FRMD4B: variants seen among roughly 807,000 people sequenced by gnomAD.
FRMD4B encodes the protein FERM domain containing 4B.
A neutral mutation model predicts 141.5 loss-of-function variants in FRMD4B; 74 were observed. The observed-to-expected ratio is 0.52, with a 90% CI of 0.43 to 0.63. FRMD4B has a LOEUF of 0.63. Ranked by LOEUF, FRMD4B falls within the 30% of genes least tolerant of loss-of-function variation. The pLI is 0.00. For synonymous variants in FRMD4B, 506 were observed against 467.9 expected (o/e 1.08, Z -1.05); for missense variants, 1,366 against 1,253.4 (o/e 1.09, Z -1.36).
intron 11 of FRMD4B, among the ~76,000 whole-genome samples, chr3:69,202,816 T>A (rs1274282973): frequency 6.6e-6 from 1 of 152,230 alleles, no homozygotes; most frequent in Non-Finnish European, 1.5e-5. Flanking sequence ...GACTGAAGAA[T>A]AATATCTGGG....
intron 1 of FRMD4B, among the ~76,000 whole-genome samples, chr3:69,315,215 A>G (rs1701763668): frequency 6.6e-6 from 1 of 152,234 alleles, no homozygotes; most frequent in Non-Finnish European, 1.5e-5. Context: ...CAATACTAAA[A>G]AAACTTTGTA....
At chr3:69,225,054 A>G (rs1160987064) in intron 7 of FRMD4B, among the ~76,000 whole-genome samples, 1 of 151,944 alleles carries the variant, frequency 6.6e-6, no homozygotes, top group African/African-American at 2.4e-5. Context: ...TCATGGTGGA[A>G]TACTGGTTAT....
At chr3:69,271,106 C>A (rs572519613) in intron 5 of FRMD4B, among the ~76,000 whole-genome samples, 1 of 152,036 alleles carries the variant, frequency 6.6e-6, no homozygotes, top group African/African-American at 2.4e-5. Flanking sequence ...TCTTGTAGCC[C>A]ATTTCTGAGA....
At chr3:69,475,555 C>T (rs1182836830) in intron 1 of FRMD4B, among the ~76,000 whole-genome samples, 1 of 152,078 alleles carries the variant, frequency 6.6e-6, no homozygotes, top group African/African-American at 2.4e-5. Context: ...TTTATGGCTG[C>T]ATAGTATTCC....
intron 1 of FRMD4B, among the ~76,000 whole-genome samples, chr3:69,501,023 A>C (rs569062156): frequency 7.8e-4 from 119 of 152,312 alleles, no homozygotes; most frequent in African/African-American, 2.5e-3. Flanking sequence ...AGTGTGGTGT[A>C]GTTTAAGACA....
intron 21 of FRMD4B, among the ~76,000 whole-genome samples, chr3:69,178,171 T>C (rs578055274): frequency 9.8e-5 from 15 of 152,320 alleles, no homozygotes; most frequent in South Asian, 8.3e-4. Flanking sequence ...AGCACTGCCC[T>C]TTTTCCATTT....
chr3:69,488,734 C>T lies in FRMD4B; in HGVS notation c.-129+53472G>A, dbSNP rs1007728650. ...TGGCCAAAGCAGTGAAACCCCATCT[C>T]CACTAAAAATTAGCTGGGCATGGTG... is the stretch of plus-strand genomic sequence containing the variant. On this transcript the variant is annotated intron_variant, in intron 1 of 5. Transcript: ENST00000459638. 5.8e-4 allele frequency among the ~76,000 whole-genome samples: 88 copies of T among 151,464 alleles called. 1 individual carries two copies. The highest frequency in any genetic ancestry group is 1.9e-3 in the African/African-American group (79 of 41,266).
In FRMD4B at chr3:69,218,496, T is replaced by C. The variant is rs768395411; in HGVS notation, c.732-117A>G. 3.1e-4 allele frequency: 177 copies of C among 575,048 alleles called. 2 individuals carry two copies. The highest frequency in any genetic ancestry group is 2.7e-3 in the Middle Eastern group (6 of 2,186). The allele number at this position is 575,048 out of a possible 1,614,324, so 35.6% of individuals were successfully genotyped here. A position where few individuals can be genotyped will look rare whatever the true frequency, so the allele number is the denominator to read the frequency against. ...TTCCTTATTATAAGAATAATTAATA[T>C]GTTTCACTCAAGTAGAAACAGAATA... On this transcript the variant is annotated intron_variant, in intron 9 of 22. Coordinates refer to ENST00000398540, the MANE Select transcript of FRMD4B (RefSeq NM_015123.3).
At chr3:69,316,060 C>T (rs892489455) in intron 1 of FRMD4B, among the ~76,000 whole-genome samples, 1 of 152,158 alleles carries the variant, frequency 6.6e-6, no homozygotes, top group African/African-American at 2.4e-5. Context: ...GGATAAGTAA[C>T]CTGTTTTCAA....
chr3:69,271,925 A>G (rs2093596272), intron 5 of FRMD4B, among the ~76,000 whole-genome samples: 1 of 152,134 alleles, frequency 6.6e-6, no homozygotes, highest in South Asian at 2.1e-4. Context: ...CAGTGAGCCG[A>G]GATTGTGCCA....
chr3:69,237,865 G>A (rs2093356247), intron 7 of FRMD4B, among the ~76,000 whole-genome samples: 1 of 152,076 alleles, frequency 6.6e-6, no homozygotes, highest in Non-Finnish European at 1.5e-5. Flanking sequence ...TAAGTAGCTG[G>A]GATTACAGGC....
At chr3:69,527,456 C>T (rs1351033565) in intron 1 of FRMD4B, among the ~76,000 whole-genome samples, 2 of 152,082 alleles carry the variant, frequency 1.3e-5, no homozygotes, top group Non-Finnish European at 2.9e-5. Flanking sequence ...AGTGCTGTTA[C>T]CCAACAGTCC....
intron 18 of FRMD4B, among the ~76,000 whole-genome samples, chr3:69,188,777 A>C (rs1435857361): frequency 2.0e-5 from 3 of 151,590 alleles, no homozygotes; most frequent in East Asian, 3.9e-4. Flanking sequence ...AAAAAAAAAA[A>C]AAAAAAACTT....
At chr3:69,438,001 TAA>T (rs1397971547) in intron 1 of FRMD4B, among the ~76,000 whole-genome samples, 1 of 140,726 alleles carries the variant, frequency 7.1e-6, no homozygotes, top group Non-Finnish European at 1.5e-5. Flanking sequence ...AAAGTATATA[TAA>T]TACTGTTATA....
intron 5 of FRMD4B, among the ~76,000 whole-genome samples, chr3:69,262,570 C>T (rs2093535098): frequency 6.8e-6 from 1 of 148,116 alleles, no homozygotes; most frequent in Non-Finnish European, 1.5e-5. Flanking sequence ...AGTGATTCTC[C>T]TGCCTCAGCC....
chr3:69,209,709 A>T (rs1453618805), intron 11 of FRMD4B, among the ~76,000 whole-genome samples: 1 of 152,254 alleles, frequency 6.6e-6, no homozygotes, highest in Admixed American at 6.5e-5. Flanking sequence ...TAAAGCTTAG[A>T]TACACACTTT....
At chr3:69,537,125 T>C (rs1462647565) in intron 1 of FRMD4B, among the ~76,000 whole-genome samples, 15 of 152,160 alleles carry the variant, frequency 9.9e-5, no homozygotes, top group African/African-American at 3.6e-4. Context: ...CCTTTACACA[T>C]GGGGTGGCCA....
rs374377368 is a variant in FRMD4B at position 69,466,255 on chromosome 3, A to G, written c.-128-33494T>C. ...ATGGGGTTGTTTGTTTTTTTCTTGT[A>G]AATTTGTTTAAGTTCTTTGTAGATT... On this transcript the variant is annotated intron_variant, in intron 1 of 5. Transcript: ENST00000459638. 2.0e-4 allele frequency among the ~76,000 whole-genome samples: 31 copies of G among 152,014 alleles called. 1 individual carries two copies. The highest frequency in any genetic ancestry group is 5.8e-4 in the African/African-American group (24 of 41,454).
intron 1 of FRMD4B, among the ~76,000 whole-genome samples, chr3:69,331,312 G>A (rs1702364259): frequency 6.6e-6 from 1 of 152,104 alleles, no homozygotes; most frequent in Non-Finnish European, 1.5e-5. Context: ...GATAATACTG[G>A]GTGCAGCTGG....
Sources: allele counts gnomAD v4.1 joint callset (sites outside exome capture counted in the v4.1 genomes callset), GRCh38; gene constraint gnomAD v4.1.1; transcripts MANE v1.5; gene names NCBI Gene and HGNC (gene_info 2026-07-23, HGNC 2026-07-21).